CIMIP6: variants seen among roughly 807,000 people sequenced by gnomAD.
The protein encoded by CIMIP6 is uncharacterized protein C2orf73.
the CIMIP6 span, among the ~76,000 whole-genome samples, chr2:54,345,812 C>A: frequency 2.0e-5 from 3 of 152,134 alleles, no homozygotes; most frequent in Non-Finnish European, 2.9e-5. Context: ...TATGCACACC[C>A]TACATATCAT....
chr2:54,332,939 A>G, the CIMIP6 span, among the ~76,000 whole-genome samples: 2 of 152,264 alleles, frequency 1.3e-5, no homozygotes, highest in Non-Finnish European at 2.9e-5. Flanking sequence ...TCCTTTGCAG[A>G]AAGTAATTTT....
the CIMIP6 span, among the ~76,000 whole-genome samples, chr2:54,376,172 A>G: frequency 1.3e-5 from 2 of 150,496 alleles, no homozygotes; most frequent in Non-Finnish European, 2.9e-5. Context: ...AGTAGCTGGG[A>G]CCACATGTGC....
chr2:54,372,331 A>G, the CIMIP6 span, among the ~76,000 whole-genome samples: 1 of 152,148 alleles, frequency 6.6e-6, no homozygotes, highest in African/African-American at 2.4e-5. Context: ...CCTCATCTTC[A>G]GTCGGTTGCT....
At chr2:54,331,120 C>T in the CIMIP6 span, 27 of 948,884 alleles carry the variant, frequency 2.8e-5, no homozygotes, top group Non-Finnish European at 4.4e-5. Context: ...CCTTGCTTCT[C>T]TAATTTCCAG....
At chr2:54,360,268 A>G in the CIMIP6 span, 1 of 1,612,242 alleles carries the variant, frequency 6.2e-7, no homozygotes, top group South Asian at 1.1e-5. Flanking sequence ...CTAAAGGAGC[A>G]GAGGTATTAC....
At chr2:54,341,279 A>C in the CIMIP6 span, among the ~76,000 whole-genome samples, 61 of 152,294 alleles carry the variant, frequency 4.0e-4, no homozygotes, top group Non-Finnish European at 8.2e-4. Context: ...ACCCTCATGA[A>C]TGAAATGAAT....
chr2:54,364,959 G>C, the CIMIP6 span, among the ~76,000 whole-genome samples: 1 of 152,166 alleles, frequency 6.6e-6, no homozygotes, highest in Non-Finnish European at 1.5e-5. Context: ...ATGAGCAAGA[G>C]GTGAGACTAA....
chr2:54,363,697 A>G, the CIMIP6 span, among the ~76,000 whole-genome samples: 2 of 152,132 alleles, frequency 1.3e-5, no homozygotes, highest in Non-Finnish European at 2.9e-5. Flanking sequence ...CTCTATTAAA[A>G]TGGATTTCAT....
the CIMIP6 span, among the ~76,000 whole-genome samples, chr2:54,335,606 C>A: frequency 1.3e-5 from 2 of 152,290 alleles, no homozygotes; most frequent in African/African-American, 4.8e-5. Context: ...ACTGACTATC[C>A]CATGCTAAAA....
chr2:54,337,208 T>C, the CIMIP6 span, among the ~76,000 whole-genome samples: 739 of 152,346 alleles, frequency 4.9e-3, 3 homozygotes, highest in Admixed American at 7.8e-3. Context: ...TTGCTTTTTG[T>C]GAGCTCTCTT....
At chr2:54,365,201 A>T in the CIMIP6 span, among the ~76,000 whole-genome samples, 1 of 152,230 alleles carries the variant, frequency 6.6e-6, no homozygotes, top group African/African-American at 2.4e-5. Flanking sequence ...ACACCTACCA[A>T]ACTGAGCTAT....
the CIMIP6 span, among the ~76,000 whole-genome samples, chr2:54,362,749 G>A: frequency 3.3e-5 from 5 of 152,144 alleles, no homozygotes; most frequent in Non-Finnish European, 7.3e-5. Flanking sequence ...GTTTTGCCAT[G>A]TTGGCCAGGC....
chr2:54,354,514 A>G, the CIMIP6 span, among the ~76,000 whole-genome samples: 17 of 152,036 alleles, frequency 1.1e-4, no homozygotes, highest in Non-Finnish European at 1.8e-4. Context: ...ACAGAATTTA[A>G]ATTTTTTCTC....
the CIMIP6 span, among the ~76,000 whole-genome samples, chr2:54,372,410 T>C: frequency 2.6e-5 from 4 of 152,292 alleles, no homozygotes; most frequent in East Asian, 1.9e-4. Flanking sequence ...ATCGTGGTGG[T>C]TGTAAAACAC....
the CIMIP6 span, among the ~76,000 whole-genome samples, chr2:54,380,002 G>T: frequency 2.0e-5 from 3 of 151,354 alleles, no homozygotes; most frequent in Non-Finnish European, 4.4e-5. Flanking sequence ...AATTAGCTTG[G>T]TGTGGTGTTG....
At chr2:54,354,739 T>A in the CIMIP6 span, among the ~76,000 whole-genome samples, 3 of 152,098 alleles carry the variant, frequency 2.0e-5, no homozygotes, top group Non-Finnish European at 2.9e-5. Flanking sequence ...TCTTGTGGTT[T>A]TTCTATTCAG....
At chr2:54,369,122 C>CA in the CIMIP6 span, among the ~76,000 whole-genome samples, 1 of 152,102 alleles carries the variant, frequency 6.6e-6, no homozygotes, top group Non-Finnish European at 1.5e-5. Flanking sequence ...GGTCACAGGA[C>CA]AATTTTCCTC....
chr2:54,335,146 A>G, the CIMIP6 span: 5 of 752,510 alleles, frequency 6.6e-6, no homozygotes, highest in South Asian at 4.6e-5. Context: ...TCATAATCCA[A>G]TAGTTAAAAG....
chr2:54,331,563 C>G, the CIMIP6 span, among the ~76,000 whole-genome samples: 3 of 152,046 alleles, frequency 2.0e-5, no homozygotes, highest in Non-Finnish European at 4.4e-5. Context: ...TTCTTGCCTC[C>G]CTCTGACAGG....
Sources: allele counts gnomAD v4.1 joint callset (sites outside exome capture counted in the v4.1 genomes callset), GRCh38; gene constraint gnomAD v4.1.1; transcripts MANE v1.5; gene names NCBI Gene and HGNC (gene_info 2026-07-23, HGNC 2026-07-21).